CLMN: variants seen among roughly 807,000 people sequenced by gnomAD.
CLMN encodes the protein calmin.
Under a neutral mutation model 92.7 loss-of-function variants are expected in CLMN, and 57 were observed. The observed-to-expected ratio is 0.61, with a 90% CI of 0.50 to 0.77. The LOEUF is 0.77. CLMN is among the 30% of genes least tolerant of loss of function. The pLI is 0.00. For synonymous variants in CLMN, 466 were observed against 470.6 expected, an observed-to-expected ratio of 0.99 and a Z score of 0.13; for missense variants, 1,158 against 1,237.5, an observed-to-expected ratio of 0.94 and a Z score of 0.96.
At chr14:95,291,569 G>C (rs1900567887) in intron 1 of CLMN, among the ~76,000 whole-genome samples, 1 of 152,216 alleles carries the variant, frequency 6.6e-6, no homozygotes, top group African/African-American at 2.4e-5. Flanking sequence ...GACGGAGTCA[G>C]ACTGGCCCCA....
chr14:95,271,374 A>T (rs1899702922), intron 1 of CLMN, among the ~76,000 whole-genome samples: 1 of 152,234 alleles, frequency 6.6e-6, no homozygotes, highest in African/African-American at 2.4e-5. Context: ...CCAGAACAGC[A>T]GCCGTGTTCT....
At chr14:95,213,670 C>A (rs1897255719) in intron 5 of CLMN, among the ~76,000 whole-genome samples, 1 of 152,128 alleles carries the variant, frequency 6.6e-6, no homozygotes, top group South Asian at 2.1e-4. Context: ...CTCTCCAGCT[C>A]CAGCCAGCAC....
intron 1 of CLMN, among the ~76,000 whole-genome samples, chr14:95,289,077 G>A (rs953709375): frequency 1.3e-4 from 20 of 152,220 alleles, no homozygotes; most frequent in Non-Finnish European, 2.8e-4. Flanking sequence ...AGCTGCTTGT[G>A]TTCCAGATGT....
intron 1 of CLMN, among the ~76,000 whole-genome samples, chr14:95,283,264 T>C (rs1900209298): frequency 6.6e-6 from 1 of 152,244 alleles, no homozygotes; most frequent in South Asian, 2.1e-4. Flanking sequence ...TGCTGCCATG[T>C]AAGAAATGCC....
intron 9 of CLMN, among the ~76,000 whole-genome samples, chr14:95,197,715 C>A (rs116492775): frequency 0.015 from 2,339 of 152,240 alleles, 67 homozygotes; most frequent in African/African-American, 0.053. Flanking sequence ...AGCAAGGCTC[C>A]CGAGTGAAAT....
intron 3 of CLMN, chr14:95,222,698 C>G (rs187926079): frequency 6.9e-6 from 3 of 432,074 alleles, no homozygotes; most frequent in South Asian, 3.3e-5. Flanking sequence ...CATGGCGAGG[C>G]CTCTAAGAAA....
chr14:95,319,629 C>T, intron 1 of CLMN, 82 bp downstream of exon 1: 2 of 1,131,398 alleles, frequency 1.8e-6, no homozygotes, highest in Non-Finnish European at 1.2e-6. Flanking sequence ...GGGGGCGGCG[C>T]GGGGGAGTTG....
intron 1 of CLMN, among the ~76,000 whole-genome samples, chr14:95,306,179 T>C (rs1901268604): frequency 6.6e-6 from 1 of 152,030 alleles, no homozygotes; most frequent in South Asian, 2.1e-4. Context: ...ACAGCACAAG[T>C]TCAGACTGAA....
chr14:95,232,894 C>T lies in CLMN; in HGVS notation c.83-2761G>A, dbSNP rs574488037. Among the ~76,000 whole-genome samples the T allele has an allele frequency of 1.7e-3, 265 of 152,302 alleles. 1 individual carries two copies. Among genetic ancestry groups the T allele is most frequent in the African/African-American group, 6.3e-3 (261 of 41,572 alleles). ...GACTGCTGCCCATTTTTCACTGTTTCGAGCAATGCAGAAACAAGCATTGTA... is the reference window on the plus strand; with the variant it reads ...GACTGCTGCCCATTTTTCACTGTTTTGAGCAATGCAGAAACAAGCATTGTA... On this transcript the variant is annotated intron_variant, in intron 1 of 12. Coordinates refer to ENST00000298912, the MANE Select transcript of CLMN (RefSeq NM_024734.4).
At chr14:95,196,948 A>G (rs974534842) in intron 9 of CLMN, among the ~76,000 whole-genome samples, 2 of 152,218 alleles carry the variant, frequency 1.3e-5, no homozygotes, top group African/African-American at 4.8e-5. Context: ...TAGAGTTGGC[A>G]AGATCTGATT....
rs1302855967 is a variant in CLMN at position 95,190,701 on chromosome 14, AC to A, written c.*862del. 1 of 152,194 alleles carries A rather than the reference AC, an allele frequency of 6.6e-6. No homozygotes were observed. The highest frequency in any genetic ancestry group is 1.5e-5 in the Non-Finnish European group (1 of 68,062). 9.4% of individuals were successfully genotyped at this position (152,194 alleles called of 1,614,324 possible). ...GACATGCATTCTGAGGGAGGTGTGC[AC>A]CAAAGCTTTAGTGGGCAGGAAGCTA... On this transcript the variant is annotated 3_prime_UTR_variant, in exon 13 of 13. Coordinates refer to ENST00000298912, the MANE Select transcript of CLMN (RefSeq NM_024734.4).
intron 4 of CLMN, among the ~76,000 whole-genome samples, chr14:95,218,464 G>A (rs61702480): frequency 0.22 from 33,734 of 152,112 alleles, 4,139 homozygotes; most frequent in Middle Eastern, 0.31. Flanking sequence ...AGCACCTAAC[G>A]GCATCTGAAT....
rs200954124 is a variant in CLMN at position 95,253,612 on chromosome 14, T to TTG, written c.83-23480_83-23479insCA. 2.5e-3 allele frequency among the ~76,000 whole-genome samples: 330 copies of TTG among 131,744 alleles called. 3 individuals are homozygous for TTG. Among genetic ancestry groups the TTG allele is most frequent in the African/African-American group, 7.0e-3 (245 of 35,008 alleles). The allele number at this position is 131,744 out of a possible 152,430, so 86.4% of individuals were successfully genotyped here. A position where few individuals can be genotyped will look rare whatever the true frequency, so the allele number is the denominator to read the frequency against. ...CTCATTAACACAGTGTTTTTTTGTT[T>TTG]TTTTGTTTTTTTTTTTTTGAGACAG... On this transcript the variant is annotated intron_variant, in intron 1 of 12. Transcript: ENST00000298912.
chr14:95,270,938 T>C (rs1045949327), intron 1 of CLMN, among the ~76,000 whole-genome samples: 1 of 152,214 alleles, frequency 6.6e-6, no homozygotes, highest in African/African-American at 2.4e-5. Context: ...TAGCAGTGCA[T>C]TGGGGTTCTA....
intron 1 of CLMN, among the ~76,000 whole-genome samples, chr14:95,311,512 A>G (rs1163377219): frequency 6.6e-6 from 1 of 151,638 alleles, no homozygotes; most frequent in Non-Finnish European, 1.5e-5. Context: ...AATCCTAACA[A>G]CCCCAGGGCC....
At chr14:95,293,332 CCTTCCCTCCCTCCCTCCTTCTTTT>C (rs1900669493) in intron 1 of CLMN, among the ~76,000 whole-genome samples, 1 of 100,924 alleles carries the variant, frequency 9.9e-6, no homozygotes, top group African/African-American at 4.1e-5. Context: ...CTCCTTCCTT[CCTTCCCTCCCTCCCTCCTTCTTTT>C]CCTCCCTCCC....
chr14:95,237,326 G>A (rs1338020020), intron 1 of CLMN, among the ~76,000 whole-genome samples: 1 of 152,254 alleles, frequency 6.6e-6, no homozygotes, highest in Non-Finnish European at 1.5e-5. Flanking sequence ...CACCTGCAGA[G>A]GCTGGGAGGA....
At chr14:95,271,538 C>T (rs1182315336) in intron 1 of CLMN, among the ~76,000 whole-genome samples, 2 of 152,184 alleles carry the variant, frequency 1.3e-5, no homozygotes, top group African/African-American at 4.8e-5. Context: ...GAATGAAATA[C>T]TATGCAGTCA....
In CLMN at chr14:95,203,497, CCTT is replaced by C. The variant is rs1566863483; in HGVS notation, c.1849_1851del (p.Lys617del). On this transcript the variant is annotated inframe_deletion, in exon 9 of 13. Transcript: ENST00000298912. ...ATCTTAACTTGAGGCTCTGGCGAATCCTTCTTTTTGTGAGCAGATTTAATACTC... is the reference window on the plus strand; with the variant it reads ...ATCTTAACTTGAGGCTCTGGCGAATCCTTTTTGTGAGCAGATTTAATACTC... The C allele has an allele frequency of 1.9e-6, 3 of 1,614,154 alleles. No homozygotes were observed. The highest frequency in any genetic ancestry group is 2.5e-6 in the Non-Finnish European group (3 of 1,180,042).
Sources: allele counts gnomAD v4.1 joint callset (sites outside exome capture counted in the v4.1 genomes callset), GRCh38; gene constraint gnomAD v4.1.1; transcripts MANE v1.5; gene names NCBI Gene and HGNC (gene_info 2026-07-23, HGNC 2026-07-21).